Variants in ZNF827 observed in about 807,000 individuals in gnomAD.
ZNF827 encodes zinc finger protein 827.
Under a neutral mutation model 102.4 loss-of-function variants are expected in ZNF827, and 13 were observed. The ratio of observed to expected loss-of-function variants is 0.13; its 90% CI spans 0.08 to 0.20. ZNF827 has a LOEUF of 0.20. Ranked by LOEUF, ZNF827 falls within the 10% of genes least tolerant of loss-of-function variation. The pLI is 1.00. For missense variants in ZNF827, 1,103 were observed against 1,344.4 expected (o/e 0.82, Z 2.81); for synonymous variants, 523 against 536.2 (o/e 0.98, Z 0.34).
chr4:145,906,591 G>A (rs549814785), intron 1 of ZNF827, among the ~76,000 whole-genome samples: 3 of 152,310 alleles, frequency 2.0e-5, no homozygotes, highest in Admixed American at 6.5e-5. Flanking sequence ...AAACAGGTAA[G>A]TGTGCCAAAG....
intron 8 of ZNF827, among the ~76,000 whole-genome samples, chr4:145,810,152 T>C (rs968536507): frequency 6.6e-6 from 1 of 152,250 alleles, no homozygotes; most frequent in African/African-American, 2.4e-5. Flanking sequence ...TTTTCCTGCA[T>C]GCCCACCGTT....
At chr4:145,815,910 T>A (rs1247867925) in intron 8 of ZNF827, among the ~76,000 whole-genome samples, 1 of 152,204 alleles carries the variant, frequency 6.6e-6, no homozygotes, top group Non-Finnish European at 1.5e-5. Context: ...ATAAAGGGTG[T>A]TTGGAATATT....
chr4:145,863,026 T>C (rs894585642), intron 5 of ZNF827, among the ~76,000 whole-genome samples: 2 of 152,118 alleles, frequency 1.3e-5, no homozygotes, highest in Non-Finnish European at 2.9e-5. Flanking sequence ...CCAGAATACA[T>C]AAGAAACTTT....
intron 1 of ZNF827, among the ~76,000 whole-genome samples, chr4:145,937,597 C>G (rs1300080814): frequency 6.9e-6 from 1 of 144,892 alleles, no homozygotes; most frequent in Non-Finnish European, 1.5e-5. Context: ...CGCCTCGGCG[C>G]CGCGGGAGCA....
intron 7 of ZNF827, chr4:145,830,631 G>A (rs759738670): frequency 6.6e-5 from 10 of 151,732 alleles, no homozygotes; most frequent in Non-Finnish European, 7.4e-5. Context: ...CTTAATAGAC[G>A]CTTATATTTC....
intron 1 of ZNF827, among the ~76,000 whole-genome samples, chr4:145,930,397 C>T (rs1193505222): frequency 6.6e-6 from 1 of 152,200 alleles, no homozygotes; most frequent in Non-Finnish European, 1.5e-5. Flanking sequence ...CCCTTCACAT[C>T]ACAATTCTAA....
intron 8 of ZNF827, among the ~76,000 whole-genome samples, chr4:145,805,029 GT>G: frequency 6.6e-6 from 1 of 152,168 alleles, no homozygotes; most frequent in South Asian, 2.1e-4. Flanking sequence ...CTCTAGGCAT[GT>G]TTTGTATGCA....
chr4:145,871,450 T>C, intron 4 of ZNF827, among the ~76,000 whole-genome samples: 1 of 152,180 alleles, frequency 6.6e-6, no homozygotes, highest in East Asian at 1.9e-4. Context: ...CTGGGCTACA[T>C]ACTACCCAGG....
chr4:145,776,864 T>A (rs1226477125), intron 9 of ZNF827, among the ~76,000 whole-genome samples: 2 of 152,246 alleles, frequency 1.3e-5, no homozygotes, highest in Admixed American at 1.3e-4. Context: ...ATGGAAACCC[T>A]CTCATAAAAC....
intron 11 of ZNF827, among the ~76,000 whole-genome samples, chr4:145,771,679 T>A (rs1560899506): frequency 6.6e-6 from 1 of 152,144 alleles, no homozygotes; most frequent in Non-Finnish European, 1.5e-5. Context: ...CCCTTTAACA[T>A]AACCACTCAC....
At chr4:145,844,360 C>A (rs1442091309) in intron 7 of ZNF827, among the ~76,000 whole-genome samples, 1 of 151,690 alleles carries the variant, frequency 6.6e-6, no homozygotes, top group Non-Finnish European at 1.5e-5. Flanking sequence ...TCTATTAGAA[C>A]GAGGTTCCTC....
chr4:145,769,351 AT>A (rs1735898334), intron 11 of ZNF827, among the ~76,000 whole-genome samples: 5 of 152,168 alleles, frequency 3.3e-5, no homozygotes, highest in African/African-American at 1.2e-4. Flanking sequence ...TAGGTAGAAC[AT>A]TTTTAGCGGA....
intron 7 of ZNF827, among the ~76,000 whole-genome samples, chr4:145,829,096 T>C (rs1246631095): frequency 6.6e-6 from 1 of 152,200 alleles, no homozygotes; most frequent in East Asian, 1.9e-4. Flanking sequence ...AGAGAAAGTT[T>C]GGAAAAGACC....
intron 4 of ZNF827, chr4:145,870,884 T>A (rs1748623836): frequency 6.0e-6 from 1 of 166,948 alleles, no homozygotes; most frequent in Non-Finnish European, 1.3e-5. Context: ...CAAACATGAG[T>A]CAGAGGCAGT....
At chr4:145,915,468 C>T (rs879587527) in intron 1 of ZNF827, among the ~76,000 whole-genome samples, 1 of 151,960 alleles carries the variant, frequency 6.6e-6, no homozygotes, top group African/African-American at 2.4e-5. Flanking sequence ...ATCGCTCTCC[C>T]AATAACCAAC....
At position 145,907,007 on chromosome 4, in the gene ZNF827, G is replaced by T. The variant is rs574648464; in HGVS notation, c.44-3792C>A. 8 of 452,818 alleles carry T rather than the reference G, an allele frequency of 1.8e-5. No individual in the cohort carries two copies. The Admixed American group carries it at 1.9e-4, about 11-fold the overall frequency. 28.1% of individuals were successfully genotyped at this position (452,818 alleles called of 1,614,324 possible). A position where few individuals can be genotyped will look rare whatever the true frequency, so the allele number is the denominator to read the frequency against. ...ATAATTTTAATGCATGGCATAGAAA[G>T]AGAAAGAGCAGAAACTTGAGGAGAA... On this transcript the variant is annotated intron_variant, in intron 1 of 14. Coordinates refer to ENST00000508784, the MANE Select transcript of ZNF827 (RefSeq NM_001306215.2).
intron 1 of ZNF827, among the ~76,000 whole-genome samples, chr4:145,937,699 C>T (rs1754313343): frequency 1.4e-5 from 2 of 145,680 alleles, no homozygotes; most frequent in Non-Finnish European, 3.1e-5. Flanking sequence ...CCCGACTCCC[C>T]TCCTCCGCCG....
chr4:145,782,430 C>G (rs888045924), intron 8 of ZNF827, among the ~76,000 whole-genome samples: 1 of 152,196 alleles, frequency 6.6e-6, no homozygotes, highest in Non-Finnish European at 1.5e-5. Flanking sequence ...TGATGCCACC[C>G]AAGTGCCATG....
At chr4:145,918,450 G>A (rs1308795555) in intron 1 of ZNF827, among the ~76,000 whole-genome samples, 6 of 140,652 alleles carry the variant, frequency 4.3e-5, no homozygotes, top group East Asian at 2.1e-4. Context: ...CTAAAACAGC[G>A]ATGAGCTAAG....
Sources: allele counts gnomAD v4.1 joint callset (sites outside exome capture counted in the v4.1 genomes callset), GRCh38; gene constraint gnomAD v4.1.1; transcripts MANE v1.5; gene names NCBI Gene and HGNC (gene_info 2026-07-23, HGNC 2026-07-21).